Variants in DCC observed in about 807,000 individuals in gnomAD.
DCC encodes DCC netrin 1 receptor.
Under a neutral mutation model 172.5 loss-of-function variants are expected in DCC, and 58 were observed. That is an observed-to-expected ratio of 0.34 (90% confidence interval 0.27 to 0.42). DCC has a LOEUF of 0.42. Ranked by LOEUF, DCC falls within the 10% of genes least tolerant of loss-of-function variation. DCC has a pLI of 1.00. For missense variants in DCC, 1,740 were observed against 1,791.0 expected, an observed-to-expected ratio of 0.97 and a Z score of 0.51; for synonymous variants, 709 against 644.5, an observed-to-expected ratio of 1.10 and a Z score of -1.52.
intron 1 of DCC, among the ~76,000 whole-genome samples, chr18:52,624,988 T>TGGATGTGAAAGTGTGTAGTA (rs2034546906): frequency 6.6e-6 from 1 of 152,158 alleles, no homozygotes; most frequent in African/African-American, 2.4e-5. Flanking sequence ...TTCACAAACC[T>TGGATGTGAAAGTGTGTAGTA]GGATGGTACA....
intron 7 of DCC, among the ~76,000 whole-genome samples, chr18:53,102,388 G>T (rs193293206): frequency 6.6e-6 from 1 of 152,014 alleles, no homozygotes; most frequent in Non-Finnish European, 1.5e-5. Context: ...TGATCATTCC[G>T]TGTGTTTTTA....
intron 12 of DCC, among the ~76,000 whole-genome samples, chr18:53,266,310 T>TA (rs2056673800): frequency 6.6e-6 from 1 of 152,366 alleles, no homozygotes; most frequent in African/African-American, 2.4e-5. Context: ...ATAGATGCTC[T>TA]ATAAATATTT....
chr18:52,991,477 G>A (rs1321116330), intron 5 of DCC, among the ~76,000 whole-genome samples: 1 of 152,100 alleles, frequency 6.6e-6, no homozygotes, highest in East Asian at 1.9e-4. Context: ...TGTACATTCT[G>A]GCTTTCTCTC....
rs552185220 is a variant in DCC, at chr18:52,937,350, T to C, written c.985+11980T>C. Among the ~76,000 whole-genome samples, 28 of 152,268 alleles carry C rather than the reference T, an allele frequency of 1.8e-4. No homozygotes were observed. In the South Asian group the frequency reaches 5.8e-3, roughly 32 times the overall value. The stretch of plus-strand genomic sequence containing the variant: ...TTGTGGTTTTTGCCCTTAAAAGCAA[T>C]GGCAAAAACACAATTATTTTTGTAC... On this transcript the variant is annotated intron_variant, in intron 5 of 28. Coordinates refer to ENST00000442544, the MANE Select transcript of DCC (RefSeq NM_005215.4).
chr18:53,097,167 T>C (rs1315859838), intron 7 of DCC, among the ~76,000 whole-genome samples: 1 of 152,226 alleles, frequency 6.6e-6, no homozygotes, highest in East Asian at 1.9e-4. Context: ...AACTGATTAA[T>C]GAGCTAATGT....
chr18:52,706,123 T>C (rs934740360), intron 1 of DCC, among the ~76,000 whole-genome samples: 2 of 152,104 alleles, frequency 1.3e-5, no homozygotes, highest in African/African-American at 4.8e-5. Flanking sequence ...TATTCAGAAA[T>C]GTATAGAGGT....
intron 5 of DCC, among the ~76,000 whole-genome samples, chr18:53,009,945 G>A (rs1338226542): frequency 1.3e-5 from 2 of 151,910 alleles, no homozygotes; most frequent in Admixed American, 6.6e-5. Flanking sequence ...AGGTAGATGC[G>A]ATGAAGCAGC....
At chr18:53,030,983 G>T (rs2042018546) in intron 5 of DCC, among the ~76,000 whole-genome samples, 1 of 152,178 alleles carries the variant, frequency 6.6e-6, no homozygotes, top group East Asian at 1.9e-4. Flanking sequence ...TTCTGGCTGG[G>T]TGGGGTGGCT....
rs901924087 is a variant in DCC at position 53,534,579 on chromosome 18, C to T, written c.*3926C>T. 12 of 152,162 alleles carry T rather than the reference C, an allele frequency of 7.9e-5. No individual in the cohort carries two copies. Among genetic ancestry groups the T allele is most frequent in the African/African-American group, 2.7e-4 (11 of 41,440 alleles). The allele number at this position is 152,162 out of a possible 1,614,324, so 9.4% of individuals were successfully genotyped here. ...TTTCAGAAATCACTTTAGTATTGTA[C>T]AGAAAAGCTTTTTATTTGAGTCTAG... On this transcript the variant is annotated 3_prime_UTR_variant, in exon 29 of 29. Transcript: ENST00000442544.
chr18:53,210,098 G>A (rs1042401517), intron 11 of DCC, among the ~76,000 whole-genome samples: 1 of 152,176 alleles, frequency 6.6e-6, no homozygotes, highest in African/African-American at 2.4e-5. Flanking sequence ...GACCTCGTTT[G>A]CATTCATTTT....
At chr18:52,344,773 G>T (rs1286789690) in intron 1 of DCC, among the ~76,000 whole-genome samples, 2 of 110,448 alleles carry the variant, frequency 1.8e-5, no homozygotes, top group South Asian at 3.1e-4. Flanking sequence ...CCCAAACTTT[G>T]CATGTGAAAC....
rs141271677 is a variant in DCC at position 52,911,657 on chromosome 18, A to C, written c.697+5329A>C. On this transcript the variant is annotated intron_variant, in intron 3 of 28. Coordinates refer to ENST00000442544, the MANE Select transcript of DCC (RefSeq NM_005215.4). ...GAGCAATGAATACACTGACATAAAC[A>C]TACACCCAAAAAACGGAAGTGAACA... 2.0e-4 allele frequency among the ~76,000 whole-genome samples: 30 copies of C among 152,142 alleles called. No homozygotes were observed. In the East Asian group the frequency reaches 5.8e-3, roughly 29 times the overall value.
chr18:52,820,333 T>A (rs1195305717), intron 2 of DCC, among the ~76,000 whole-genome samples: 2 of 152,184 alleles, frequency 1.3e-5, no homozygotes, highest in Non-Finnish European at 2.9e-5. Flanking sequence ...TTGCCTAATG[T>A]GTATGTACAT....
At chr18:53,102,760 G>A (rs1359470184) in intron 7 of DCC, among the ~76,000 whole-genome samples, 6 of 151,990 alleles carry the variant, frequency 3.9e-5, no homozygotes, top group African/African-American at 7.2e-5. Flanking sequence ...CAGGTTTTCA[G>A]ACTCTTTATT....
rs368488676 is a variant in DCC at position 52,960,811 on chromosome 18, A to G, written c.985+35441A>G. 7.2e-5 allele frequency among the ~76,000 whole-genome samples: 11 copies of G among 152,304 alleles called. No homozygotes were observed. In the East Asian group the frequency reaches 1.7e-3, roughly 24 times the overall value. ...AACTCCAAGGGATTGTTCAAAATCAAGACCTTATTGATGGATTGATGTTTG... is the reference window on the plus strand; with the variant it reads ...AACTCCAAGGGATTGTTCAAAATCAGGACCTTATTGATGGATTGATGTTTG... On this transcript the variant is annotated intron_variant, in intron 5 of 28. Transcript: ENST00000442544.
At chr18:52,705,638 C>T (rs1325199529) in intron 1 of DCC, among the ~76,000 whole-genome samples, 2 of 152,116 alleles carry the variant, frequency 1.3e-5, no homozygotes, top group East Asian at 3.9e-4. Flanking sequence ...AAACAGTAGA[C>T]TAGAGATCTA....
At chr18:53,288,752 T>C (rs1854354739) in intron 12 of DCC, among the ~76,000 whole-genome samples, 1 of 152,148 alleles carries the variant, frequency 6.6e-6, no homozygotes, top group African/African-American at 2.4e-5. Flanking sequence ...TAACTGTTCT[T>C]AAGTTGGAAT....
At chr18:52,783,323 CTTTTTTTT>C (rs374129823) in intron 2 of DCC, among the ~76,000 whole-genome samples, 922 of 58,900 alleles carry the variant, frequency 0.016, 18 homozygotes, top group African/African-American at 0.068. Context: ...TACTACTACT[CTTTTTTTT>C]TTTTTTTTTT....
chr18:53,500,606 G>A (rs1212084410), intron 27 of DCC, among the ~76,000 whole-genome samples: 1 of 151,288 alleles, frequency 6.6e-6, no homozygotes, highest in Non-Finnish European at 1.5e-5. Context: ...CTAGTTGCTG[G>A]GATGACATTA....
Sources: gnomAD v4.1 joint callset for allele counts (sites outside exome capture counted in the v4.1 genomes callset) on GRCh38, gnomAD v4.1.1 for gene constraint, MANE v1.5 for transcripts, NCBI Gene and HGNC (gene_info 2026-07-23, HGNC 2026-07-21) for gene names.